FDFT1: variants seen among roughly 807,000 people sequenced by gnomAD.
FDFT1 encodes the protein farnesyl-diphosphate farnesyltransferase 1.
Under a neutral mutation model 46.8 loss-of-function variants are expected in FDFT1, and 68 were observed. The observed-to-expected ratio is 1.45, with a 90% confidence interval of 1.19 to 1.78. FDFT1 has a LOEUF of 1.78. FDFT1 is among the 40% of genes most tolerant of loss of function. FDFT1 has a pLI of 0.00. For missense variants in FDFT1, 928 were observed against 524.4 expected, an observed-to-expected ratio of 1.77 and a Z score of -7.52; for synonymous variants, 351 against 185.1, an observed-to-expected ratio of 1.90 and a Z score of -7.28.
intron 3 of FDFT1, among the ~76,000 whole-genome samples, chr8:11,812,826 C>T (rs1002179476): frequency 6.6e-6 from 1 of 152,148 alleles, no homozygotes; most frequent in Admixed American, 6.5e-5. Context: ...TTAGTTGATA[C>T]CAGTTCAAGT....
chr8:11,824,159 T>A (rs1809643046), intron 4 of FDFT1, among the ~76,000 whole-genome samples: 1 of 152,166 alleles, frequency 6.6e-6, no homozygotes. Context: ...TTCGGTCATT[T>A]CCTAACTTTT....
intron 1 of FDFT1, chr8:11,803,198 T>G: frequency 7.1e-7 from 1 of 1,407,434 alleles, no homozygotes; most frequent in Non-Finnish European, 9.3e-7. Flanking sequence ...CCCCGTTTCG[T>G]CCCCTCCGTG....
In FDFT1 at chr8:11,810,703, C is replaced by G. The variant is rs892394950; in HGVS notation, c.381+853C>G. On this transcript the variant is annotated intron_variant, in intron 3 of 7. Transcript: ENST00000220584. ...TTCGCATGTCTTATCACACAAATAA[C>G]TGATTCTTCCATATCTTATAAATAA... is the stretch of plus-strand genomic sequence containing the variant. Among the ~76,000 whole-genome samples the G allele has an allele frequency of 5.3e-5, 8 of 152,074 alleles. No homozygotes were observed. The South Asian group carries it at 8.3e-4, about 16-fold the overall frequency.
At chr8:11,824,606 T>TTC (rs527318076) in intron 4 of FDFT1, among the ~76,000 whole-genome samples, 19 of 151,476 alleles carry the variant, frequency 1.3e-4, no homozygotes, top group South Asian at 2.1e-4. Flanking sequence ...TTTTTTTTTT[T>TTC]CTCACATGGG....
At chr8:11,808,097 G>A in intron 1 of FDFT1, 1 of 231,192 alleles carries the variant, frequency 4.3e-6, no homozygotes, top group East Asian at 1.7e-4. Flanking sequence ...AGGGTGATCA[G>A]ATACTGAAGT....
At chr8:11,823,442 C>T (rs967759667) in intron 4 of FDFT1, among the ~76,000 whole-genome samples, 4 of 152,146 alleles carry the variant, frequency 2.6e-5, no homozygotes, top group Non-Finnish European at 4.4e-5. Context: ...AAGCCAATTT[C>T]TGTCTACCTA....
intron 4 of FDFT1, among the ~76,000 whole-genome samples, chr8:11,822,103 G>A (rs1464088816): frequency 1.3e-5 from 2 of 152,230 alleles, no homozygotes. Context: ...GTACTGGAGA[G>A]AAGTGCTTAT....
At chr8:11,809,995 A>C in intron 3 of FDFT1, 145 bp downstream of exon 3, 1 of 590,258 alleles carries the variant, frequency 1.7e-6, no homozygotes, top group East Asian at 2.9e-5. Context: ...TCCGGTAGCC[A>C]AGACTCTGAA....
chr8:11,818,333 T>C (rs1217293354), intron 3 of FDFT1, among the ~76,000 whole-genome samples: 1 of 152,244 alleles, frequency 6.6e-6, no homozygotes, highest in Non-Finnish European at 1.5e-5. Flanking sequence ...AGAATGTATA[T>C]TCTGTTGATT....
At chr8:11,820,918 T>C (rs1172691694) in intron 3 of FDFT1, among the ~76,000 whole-genome samples, 1 of 152,158 alleles carries the variant, frequency 6.6e-6, no homozygotes, top group African/African-American at 2.4e-5. Flanking sequence ...GGTACCTCAG[T>C]TGGAAATGCA....
chr8:11,836,452 A>C (rs935703227), intron 7 of FDFT1, among the ~76,000 whole-genome samples: 2 of 152,242 alleles, frequency 1.3e-5, no homozygotes, highest in African/African-American at 4.8e-5. Context: ...GGGTCCCCAC[A>C]ACCCAGAGGA....
At chr8:11,801,199 A>G (rs763547189), upstream of FDFT1, among the ~76,000 whole-genome samples, 5 of 152,152 alleles carry the variant, frequency 3.3e-5, 1 homozygote, top group Non-Finnish European at 7.3e-5. Flanking sequence ...CAAAAGCATA[A>G]GAGATGGAGG....
chr8:11,834,160 G>A (rs1403373402), intron 7 of FDFT1, among the ~76,000 whole-genome samples: 1 of 152,218 alleles, frequency 6.6e-6, no homozygotes, highest in Non-Finnish European at 1.5e-5. Context: ...TAGCGAGCAT[G>A]CACCTGGAAG....
intron 1 of FDFT1, chr8:11,808,506 T>C (rs1405462877): frequency 2.3e-6 from 3 of 1,324,688 alleles, no homozygotes; most frequent in Non-Finnish European, 2.9e-6. Flanking sequence ...CTCCGCGGGG[T>C]CCGCGATTCC....
chr8:11,833,525 C>G (rs1289303906), intron 7 of FDFT1, among the ~76,000 whole-genome samples: 3 of 152,240 alleles, frequency 2.0e-5, no homozygotes, highest in Middle Eastern at 3.4e-3. Context: ...ACTTTGTGGC[C>G]AATTCCATTA....
chr8:11,818,423 C>G (rs974596732), intron 3 of FDFT1, among the ~76,000 whole-genome samples: 4 of 152,046 alleles, frequency 2.6e-5, no homozygotes, highest in African/African-American at 9.7e-5. Context: ...CCTTGTTAAC[C>G]TTTTGTCTTG....
intron 3 of FDFT1, among the ~76,000 whole-genome samples, chr8:11,813,539 T>A (rs1291060130): frequency 1.3e-5 from 2 of 152,222 alleles, no homozygotes; most frequent in Non-Finnish European, 2.9e-5. Flanking sequence ...CCCGTGAAGT[T>A]AAGTGACAGA....
chr8:11,827,114 T>G (rs1235419634), intron 5 of FDFT1, among the ~76,000 whole-genome samples: 1 of 152,200 alleles, frequency 6.6e-6, no homozygotes, highest in Non-Finnish European at 1.5e-5. Flanking sequence ...TTCCCTGAAT[T>G]TATTCCAGCA....
chr8:11,803,188 C>A, intron 1 of FDFT1: 3 of 1,411,016 alleles, frequency 2.1e-6, no homozygotes, highest in Non-Finnish European at 2.8e-6. Flanking sequence ...TGGTTGCGCT[C>A]CCCGTTTCGT....
Sources: allele counts gnomAD v4.1 joint callset (sites outside exome capture counted in the v4.1 genomes callset), GRCh38; gene constraint gnomAD v4.1.1; transcripts MANE v1.5; gene names NCBI Gene and HGNC (gene_info 2026-07-23, HGNC 2026-07-21).